TLL2: variants seen among roughly 807,000 people sequenced by gnomAD.
TLL2 encodes tolloid like 2, also known as tolloid-like protein 2.
TLL2 carries 106 observed loss-of-function variants against 123.0 expected under a neutral mutation model. The ratio of observed to expected loss-of-function variants is 0.86; its 90% CI spans 0.74 to 1.01. The LOEUF (loss-of-function observed/expected upper bound fraction) is 1.01, where lower values mean the gene tolerates loss of function less well. Ranked by LOEUF, TLL2 falls within the 50% of genes least tolerant of loss-of-function variation. The pLI is 0.00. For synonymous variants in TLL2, 494 were observed against 516.8 expected (o/e 0.96, Z 0.60); for missense variants, 1,332 against 1,336.7 (o/e 1.00, Z 0.06).
Position 96,368,129 on chromosome 10 carries a change from T to C in TLL2, c.3007A>G (p.Thr1003Ala). 6.2e-7 allele frequency: 1 copy of C among 1,614,230 alleles called. No individual in the cohort carries two copies. The highest frequency in any genetic ancestry group is 1.1e-5 in the South Asian group (1 of 91,088). Reference sequence around the variant, plus strand: ...AGGGCATCCTGGAACTTGGTGCTGGTGTATCGGGCATGAAAGCCTTTCTTG... The same window carrying C: ...AGGGCATCCTGGAACTTGGTGCTGGCGTATCGGGCATGAAAGCCTTTCTTG... ...INKKGFHARY[T>A]STKFQDALHM... Residue 1003 changes from threonine (T) to alanine (A), a missense_variant, in exon 21 of 21, where the codon ACC (threonine) becomes GCC (alanine). Thr to Ala is a moderately conservative substitution (Grantham distance 58). Coordinates refer to ENST00000357947, the MANE Select transcript of TLL2 (RefSeq NM_012465.4).
intron 2 of TLL2, among the ~76,000 whole-genome samples, chr10:96,466,964 G>T (rs1847138017): frequency 6.6e-6 from 1 of 152,164 alleles, no homozygotes; most frequent in South Asian, 2.1e-4. Context: ...TTCAAGGTCT[G>T]TCATGTCATA....
chr10:96,370,730 A>G (rs913432166), intron 19 of TLL2, among the ~76,000 whole-genome samples: 1 of 152,164 alleles, frequency 6.6e-6, no homozygotes, highest in African/African-American at 2.4e-5. Flanking sequence ...CCACCGACTG[A>G]CTGCAATTTG....
chr10:96,385,967 T>A, intron 15 of TLL2, 88 bp downstream of exon 15: 1 of 1,357,758 alleles, frequency 7.4e-7, no homozygotes, highest in Middle Eastern at 2.0e-4. Flanking sequence ...ACACAAGCCA[T>A]CTCCCTGCCC....
At chr10:96,478,242 G>A (rs1235465284) in intron 2 of TLL2, among the ~76,000 whole-genome samples, 1 of 152,238 alleles carries the variant, frequency 6.6e-6, no homozygotes, top group African/African-American at 2.4e-5. Flanking sequence ...CAGCAGGACA[G>A]CTGAGAAAGG....
intron 7 of TLL2, among the ~76,000 whole-genome samples, chr10:96,417,856 C>A (rs367640385): frequency 1.3e-5 from 2 of 152,158 alleles, no homozygotes; most frequent in African/African-American, 4.8e-5. Context: ...CCAGGAAAGA[C>A]CAGAGAAGAA....
At chr10:96,503,353 C>T (rs748190957) in intron 1 of TLL2, among the ~76,000 whole-genome samples, 4 of 152,164 alleles carry the variant, frequency 2.6e-5, no homozygotes, top group Non-Finnish European at 5.9e-5. Context: ...TGTTCACTGC[C>T]TCATTTAATC....
At chr10:96,424,485 T>C (rs1356319694) in intron 5 of TLL2, among the ~76,000 whole-genome samples, 1 of 152,178 alleles carries the variant, frequency 6.6e-6, no homozygotes, top group Admixed American at 6.5e-5. Flanking sequence ...AAGTCCTATT[T>C]CCCTCATCCT....
intron 3 of TLL2, among the ~76,000 whole-genome samples, chr10:96,437,928 C>T (rs1309553100): frequency 6.6e-6 from 1 of 152,158 alleles, no homozygotes; most frequent in Non-Finnish European, 1.5e-5. Context: ...GAATTACTGG[C>T]TCATATAGTA....
At chr10:96,384,893 T>G in intron 15 of TLL2, 126 bp from the exon 16 acceptor site, 1 of 911,602 alleles carries the variant, frequency 1.1e-6, no homozygotes, top group Non-Finnish European at 1.5e-6. Flanking sequence ...GTCCCTTGAC[T>G]CTTGCTACGC....
intron 1 of TLL2, among the ~76,000 whole-genome samples, chr10:96,493,408 T>C (rs1416210778): frequency 6.6e-6 from 1 of 152,128 alleles, no homozygotes; most frequent in Non-Finnish European, 1.5e-5. Context: ...GGAAAGGGCA[T>C]GCTGGCTAAA....
chr10:96,383,006 G>A (rs979889934), intron 16 of TLL2, among the ~76,000 whole-genome samples: 1 of 151,748 alleles, frequency 6.6e-6, no homozygotes, highest in Non-Finnish European at 1.5e-5. Flanking sequence ...GAGAGGGAAC[G>A]CCACAGGCAG....
chr10:96,427,828 C>T (rs974544622), intron 5 of TLL2, among the ~76,000 whole-genome samples: 16 of 152,016 alleles, frequency 1.1e-4, no homozygotes, highest in Non-Finnish European at 1.8e-4. Context: ...CAGTTTTGCT[C>T]TTGTTGCCCA....
At chr10:96,413,078 A>T in intron 8 of TLL2, 114 bp downstream of exon 8, 5 of 1,459,244 alleles carry the variant, frequency 3.4e-6, no homozygotes, top group Non-Finnish European at 4.6e-6. Flanking sequence ...GACACCAGAA[A>T]TTAAAGCTGC....
At chr10:96,434,147 T>A (rs558871112) in intron 3 of TLL2, among the ~76,000 whole-genome samples, 44 of 152,336 alleles carry the variant, frequency 2.9e-4, no homozygotes, top group African/African-American at 9.6e-4. Context: ...ACTTGTTTTA[T>A]CCTGACATTT....
intron 12 of TLL2, 57 bp downstream of exon 12, chr10:96,395,818 G>C (rs1846333916): frequency 6.2e-7 from 1 of 1,604,540 alleles, no homozygotes; most frequent in Non-Finnish European, 8.5e-7. Context: ...TTACAGAGTG[G>C]AGGATGTCTA....
At chr10:96,486,882 G>A (rs1847361384) in intron 1 of TLL2, among the ~76,000 whole-genome samples, 1 of 152,160 alleles carries the variant, frequency 6.6e-6, no homozygotes, top group Non-Finnish European at 1.5e-5. Context: ...ACTGTCCCCT[G>A]GGCCTGCTCA....
intron 5 of TLL2, among the ~76,000 whole-genome samples, chr10:96,427,133 G>T (rs903351871): frequency 2.6e-5 from 4 of 152,026 alleles, no homozygotes; most frequent in African/African-American, 9.7e-5. Context: ...TGGAAGCATG[G>T]GGGGACTTTT....
intron 4 of TLL2, 105 bp downstream of exon 4, chr10:96,432,702 C>T: frequency 6.9e-7 from 1 of 1,442,564 alleles, no homozygotes; most frequent in Non-Finnish European, 9.4e-7. Flanking sequence ...TGCTGTGGTC[C>T]CTAACATCTG....
chr10:96,410,568 T>G, intron 8 of TLL2, 94 bp from the exon 9 acceptor site: 1 of 950,690 alleles, frequency 1.1e-6, no homozygotes, highest in Non-Finnish European at 1.7e-6. Flanking sequence ...CATACCCCTT[T>G]GCCAGCCAAA....
Sources: allele counts gnomAD v4.1 joint callset (sites outside exome capture counted in the v4.1 genomes callset), GRCh38; gene constraint gnomAD v4.1.1; transcripts MANE v1.5; gene names NCBI Gene and HGNC (gene_info 2026-07-23, HGNC 2026-07-21).